GNB4: variants seen among roughly 807,000 people sequenced by gnomAD.
GNB4 encodes the protein G protein subunit beta 4, also known as guanine nucleotide-binding protein subunit beta-4.
Under a neutral mutation model 45.2 loss-of-function variants are expected in GNB4, and 28 were observed. The observed-to-expected ratio is 0.62, with a 90% CI of 0.46 to 0.85. The LOEUF (loss-of-function observed/expected upper bound fraction) is 0.85, where lower values mean the gene tolerates loss of function less well. GNB4 is among the 40% of genes least tolerant of loss of function. The probability of loss-of-function intolerance (pLI) is 0.00; values close to 1 mark genes in which losing one functional copy is unlikely to be tolerated. For synonymous variants in GNB4, 132 were observed against 143.7 expected, an observed-to-expected ratio of 0.92 and a Z score of 0.58; for missense variants, 321 against 425.4, an observed-to-expected ratio of 0.75 and a Z score of 2.16.
At chr3:179,421,925 T>A (rs755011700) in intron 2 of GNB4, among the ~76,000 whole-genome samples, 1 of 152,230 alleles carries the variant, frequency 6.6e-6, no homozygotes, top group Non-Finnish European at 1.5e-5. Context: ...GTGATGGGCC[T>A]GAACCATGTT....
In GNB4 at chr3:179,398,615, C is replaced by G. The variant is rs1714191639; in HGVS notation, c.*2598G>C. ...CAGCCAGATTTTTCAGCCTTAAAAA[C>G]TAAGATCCAAACTATTCAACATCTC... On this transcript the variant is annotated 3_prime_UTR_variant, in exon 10 of 10. Coordinates refer to ENST00000232564, the MANE Select transcript of GNB4 (RefSeq NM_021629.4). 1 of 151,728 alleles carries G rather than the reference C, an allele frequency of 6.6e-6. No individual in the cohort carries two copies. Among genetic ancestry groups the G allele is most frequent in the African/African-American group, 2.4e-5 (1 of 41,310 alleles). 9.4% of individuals were successfully genotyped at this position (151,728 alleles called of 1,614,324 possible).
the GNB4 span, among the ~76,000 whole-genome samples, chr3:179,458,196 C>T: frequency 2.0e-5 from 3 of 152,176 alleles, no homozygotes; most frequent in Non-Finnish European, 4.4e-5. Flanking sequence ...AGCCACCGCG[C>T]CCAGCCCATT....
chr3:179,410,809 A>C (rs952509783), intron 8 of GNB4, among the ~76,000 whole-genome samples: 81 of 152,318 alleles, frequency 5.3e-4, no homozygotes, highest in African/African-American at 1.9e-3. Context: ...AATTACCAAC[A>C]TCATAAATGA....
chr3:179,464,371 G>A, the GNB4 span: 3 of 919,326 alleles, frequency 3.3e-6, no homozygotes, highest in South Asian at 2.7e-5. Flanking sequence ...CTCATGTCCA[G>A]GTTGGCTGCC....
chr3:179,473,035 C>T, the GNB4 span, among the ~76,000 whole-genome samples: 2 of 152,140 alleles, frequency 1.3e-5, no homozygotes, highest in African/African-American at 2.4e-5. Flanking sequence ...TGGTGGCACA[C>T]GCCTGTAGTC....
At chr3:179,435,508 T>G (rs1715421986) in intron 1 of GNB4, among the ~76,000 whole-genome samples, 1 of 150,794 alleles carries the variant, frequency 6.6e-6, no homozygotes, top group African/African-American at 2.4e-5. Context: ...GGGGACAATG[T>G]AATCGCCAAG....
chr3:179,403,610 T>C (rs1008274956), intron 9 of GNB4, among the ~76,000 whole-genome samples: 4 of 151,996 alleles, frequency 2.6e-5, no homozygotes, highest in Non-Finnish European at 4.4e-5. Flanking sequence ...CTGACCAACA[T>C]GGTGAAACTC....
At chr3:179,425,756 C>G (rs1269025307) in intron 2 of GNB4, among the ~76,000 whole-genome samples, 1 of 152,252 alleles carries the variant, frequency 6.6e-6, no homozygotes, top group African/African-American at 2.4e-5. Context: ...CAGGCATGAG[C>G]CACTGTGCCC....
chr3:179,455,550 C>T (rs1715964742), upstream of GNB4, among the ~76,000 whole-genome samples: 2 of 152,170 alleles, frequency 1.3e-5, no homozygotes, highest in Non-Finnish European at 2.9e-5. Flanking sequence ...ACTAATCAAT[C>T]GTGGACTCTT....
At chr3:179,511,870 A>C in the GNB4 span, among the ~76,000 whole-genome samples, 4,766 of 152,294 alleles carry the variant, frequency 0.031, 221 homozygotes, top group African/African-American at 0.1. Flanking sequence ...AGAATTTTTC[A>C]TGAAAATAGA....
the GNB4 span, among the ~76,000 whole-genome samples, chr3:179,501,772 T>G: frequency 6.6e-6 from 1 of 152,198 alleles, no homozygotes; most frequent in Non-Finnish European, 1.5e-5. Flanking sequence ...ACCCTTGAGT[T>G]ATTTCTTTTC....
chr3:179,474,298 A>C, the GNB4 span, among the ~76,000 whole-genome samples: 2 of 152,158 alleles, frequency 1.3e-5, no homozygotes, highest in East Asian at 3.9e-4. Flanking sequence ...GTCTCAGCTC[A>C]CTGCAACCTC....
At chr3:179,429,859 T>C (rs1715253700) in intron 1 of GNB4, among the ~76,000 whole-genome samples, 1 of 152,228 alleles carries the variant, frequency 6.6e-6, no homozygotes, top group Admixed American at 6.5e-5. Context: ...CTTCTGCTTT[T>C]GCTATCAAAT....
chr3:179,403,403 C>T (rs1479177512), intron 9 of GNB4, among the ~76,000 whole-genome samples: 1 of 151,360 alleles, frequency 6.6e-6, no homozygotes, highest in Non-Finnish European at 1.5e-5. Context: ...AAGATGGTAG[C>T]GAAAATGAAA....
intron 1 of GNB4, among the ~76,000 whole-genome samples, chr3:179,437,324 G>T: frequency 6.6e-6 from 1 of 152,132 alleles, no homozygotes; most frequent in South Asian, 2.1e-4. Flanking sequence ...CAGCACTTTG[G>T]GAGGCCGAGG....
intron 1 of GNB4, among the ~76,000 whole-genome samples, chr3:179,438,927 C>G (rs148538057): frequency 6.6e-6 from 1 of 152,326 alleles, no homozygotes; most frequent in African/African-American, 2.4e-5. Flanking sequence ...ATCCCCCACC[C>G]TAAGGCCTTG....
chr3:179,445,270 A>C (rs1204611999), intron 1 of GNB4, among the ~76,000 whole-genome samples: 1 of 152,086 alleles, frequency 6.6e-6, no homozygotes, highest in East Asian at 1.9e-4. Context: ...TAAAAAGAGT[A>C]CTTTATACTT....
chr3:179,408,168 C>CA (rs950558821), intron 8 of GNB4, among the ~76,000 whole-genome samples: 1 of 151,202 alleles, frequency 6.6e-6, no homozygotes, highest in Non-Finnish European at 1.5e-5. Flanking sequence ...ACCAGACATG[C>CA]AAAAAAGCAA....
chr3:179,516,303 G>C, the GNB4 span, among the ~76,000 whole-genome samples: 3 of 152,216 alleles, frequency 2.0e-5, no homozygotes, highest in Admixed American at 6.5e-5. Flanking sequence ...GGACTGTACA[G>C]AGGTGGGAAG....
Sources: allele counts gnomAD v4.1 joint callset (sites outside exome capture counted in the v4.1 genomes callset), GRCh38; gene constraint gnomAD v4.1.1; transcripts MANE v1.5; gene names NCBI Gene and HGNC (gene_info 2026-07-23, HGNC 2026-07-21).